The following GLG1 variants were observed in gnomAD, a reference collection of about 807,000 sequenced individuals.
GLG1 encodes the protein golgi glycoprotein 1.
GLG1 carries 38 observed loss-of-function variants against 160.5 expected under a neutral mutation model. The observed-to-expected ratio is 0.24, with a 90% confidence interval of 0.18 to 0.31. The LOEUF is 0.31. Among genes scored for constraint, GLG1 ranks in the 10% least tolerant of loss-of-function variants. The probability of loss-of-function intolerance (pLI) is 1.00; values close to 1 mark genes in which losing one functional copy is unlikely to be tolerated. For missense variants in GLG1, 1,373 were observed against 1,505.2 expected (o/e 0.91, Z 1.45); for synonymous variants, 644 against 543.4 (o/e 1.19, Z -2.57).
In GLG1 at chr16:74,481,758, T is replaced by G. The variant is rs1411307812; in HGVS notation, c.1673+1265A>C. Among the ~76,000 whole-genome samples the G allele has an allele frequency of 1.3e-5, 2 of 152,200 alleles. 1 individual carries two copies. Among genetic ancestry groups the G allele is most frequent in the Non-Finnish European group, 2.9e-5 (2 of 68,038 alleles). ...ATGCAGTGGCATGATCACAGCTCAC[T>G]GTAACCTACAGCTCCTGGGCTCAAG... On this transcript the variant is annotated intron_variant, in intron 10 of 25. Coordinates refer to ENST00000422840, the MANE Select transcript of GLG1 (RefSeq NM_001145667.2).
At chr16:74,577,682 T>C (rs1055833515) in intron 1 of GLG1, among the ~76,000 whole-genome samples, 1 of 152,040 alleles carries the variant, frequency 6.6e-6, no homozygotes, top group African/African-American at 2.4e-5. Flanking sequence ...GGCATCATCA[T>C]GGTTCACTGC....
chr16:74,597,203 C>T (rs1432530561), intron 1 of GLG1, among the ~76,000 whole-genome samples: 1 of 151,464 alleles, frequency 6.6e-6, no homozygotes, highest in Non-Finnish European at 1.5e-5. Context: ...GAGGCCGAGG[C>T]GGGAGGATCA....
At chr16:74,532,093 T>G (rs548219071) in intron 2 of GLG1, 28 bp downstream of exon 2, 1 of 1,162,786 alleles carries the variant, frequency 8.6e-7, no homozygotes, top group East Asian at 2.6e-5. Flanking sequence ...AAAGCACATA[T>G]GGCGCATCAC....
At chr16:74,603,423 AAG>A (rs1444972926) in intron 1 of GLG1, among the ~76,000 whole-genome samples, 1 of 151,784 alleles carries the variant, frequency 6.6e-6, no homozygotes, top group Non-Finnish European at 1.5e-5. Context: ...AAAAAAAAAA[AAG>A]AAAATCTAAT....
chr16:74,453,570 C>CCCA (rs1567451087), intron 25 of GLG1, among the ~76,000 whole-genome samples: 4 of 152,290 alleles, frequency 2.6e-5, no homozygotes, highest in East Asian at 3.9e-4. Flanking sequence ...GGTGCAGTCA[C>CCCA]CCACAATTCC....
rs754903876 is a variant in GLG1 at position 74,463,437 on chromosome 16, A to G, written c.2710T>C (p.Leu904=). The change falls in exon 20 of 26, where the codon TTG becomes CTG. Residue 904 remains leucine (L), a synonymous_variant. Transcript: ENST00000422840. The part of the protein sequence containing the change: ...EADSKTMLQC[L]KQNKNSELMD... The stretch of plus-strand genomic sequence containing the variant: ...AATTCACTGTTTTTATTTTGCTTCA[A>G]GCACTGCAACATGGTTTTAGAATCT... The G allele has an allele frequency of 2.5e-6, 4 of 1,613,800 alleles. No homozygotes were observed. The highest frequency in any genetic ancestry group is 3.3e-5 in the Admixed American group (2 of 60,022).
intron 4 of GLG1, among the ~76,000 whole-genome samples, chr16:74,499,003 A>C (rs1262578843): frequency 6.6e-6 from 1 of 151,966 alleles, no homozygotes; most frequent in African/African-American, 2.4e-5. Context: ...CTTAATTTCC[A>C]AGTGTTTCCA....
intron 12 of GLG1, among the ~76,000 whole-genome samples, chr16:74,476,848 G>C (rs1253545707): frequency 2.0e-5 from 3 of 152,144 alleles, no homozygotes; most frequent in Non-Finnish European, 4.4e-5. Flanking sequence ...AACCAGGTGA[G>C]AAAAAATTCC....
At chr16:74,462,461 C>T (rs1156416790) in intron 21 of GLG1, 27 bp downstream of exon 21, 1 of 1,599,782 alleles carries the variant, frequency 6.3e-7, no homozygotes, top group East Asian at 2.2e-5. Context: ...ATAAATACAC[C>T]TTTGTGGAGA....
chr16:74,542,744 A>AGGGAG (rs1372757148), intron 1 of GLG1, among the ~76,000 whole-genome samples: 2 of 12,858 alleles, frequency 1.6e-4, no homozygotes, highest in East Asian at 6.0e-3. Flanking sequence ...GGAGGAAGGA[A>AGGGAG]GGAAGGAAGG....
chr16:74,477,509 C>T lies in GLG1; in HGVS notation c.1852G>A (p.Val618Ile). The T allele has an allele frequency of 1.2e-6, 2 of 1,613,592 alleles. No homozygotes were observed. The highest frequency in any genetic ancestry group is 1.7e-6 in the Non-Finnish European group (2 of 1,179,586). The change falls in exon 12 of 26, where the codon GTC becomes ATC. Residue 618 changes from valine to isoleucine, a missense_variant. Val to Ile is a conservative substitution (Grantham distance 29, BLOSUM62 3). Transcript: ENST00000422840. The part of the protein sequence containing the change: ...RRLSRECRAE[V>I]QRILHQRAMD... The stretch of plus-strand genomic sequence containing the variant: ...GCACGCTGGTGTAGGATCCTTTGGA[C>T]TTCAGCTCGGCACTCCCGTGAGAGC...
At chr16:74,589,231 G>A (rs570555161) in intron 1 of GLG1, among the ~76,000 whole-genome samples, 3 of 149,954 alleles carry the variant, frequency 2.0e-5, no homozygotes, top group South Asian at 2.1e-4. Context: ...CTCCAGCCTG[G>A]GTGAAAGAGT....
chr16:74,460,488 G>A (rs968670153), intron 22 of GLG1, among the ~76,000 whole-genome samples: 2 of 152,168 alleles, frequency 1.3e-5, no homozygotes, highest in African/African-American at 2.4e-5. Context: ...AGATGAGTCC[G>A]GTGATTCCAA....
At chr16:74,589,640 C>T (rs1396966768) in intron 1 of GLG1, among the ~76,000 whole-genome samples, 1 of 152,168 alleles carries the variant, frequency 6.6e-6, no homozygotes, top group Non-Finnish European at 1.5e-5. Context: ...GGCAAGCAGG[C>T]TGAGAATCTG....
At chr16:74,570,050 T>C (rs1038430475) in intron 1 of GLG1, among the ~76,000 whole-genome samples, 2 of 149,944 alleles carry the variant, frequency 1.3e-5, no homozygotes, top group South Asian at 2.1e-4. Context: ...AAAAAAACAA[T>C]AGTTTTGAAA....
intron 2 of GLG1, among the ~76,000 whole-genome samples, chr16:74,512,290 A>AT (rs71697516): frequency 3.3e-5 from 5 of 149,882 alleles, no homozygotes; most frequent in South Asian, 4.3e-4. Flanking sequence ...AAAAAAAAAA[A>AT]TTTTTGCCCA....
chr16:74,604,929 G>GTC (rs1958530608), intron 1 of GLG1, among the ~76,000 whole-genome samples: 1 of 152,088 alleles, frequency 6.6e-6, no homozygotes, highest in African/African-American at 2.4e-5. Context: ...CTCGCCTGTA[G>GTC]TCCCAGGTAC....
chr16:74,520,369 G>A (rs1486883671), intron 2 of GLG1, among the ~76,000 whole-genome samples: 1 of 152,144 alleles, frequency 6.6e-6, no homozygotes, highest in African/African-American at 2.4e-5. Context: ...GGAGACGGTG[G>A]CTCACACCTG....
At chr16:74,492,391 A>G (rs1048549886) in intron 7 of GLG1, among the ~76,000 whole-genome samples, 9 of 151,256 alleles carry the variant, frequency 6.0e-5, no homozygotes, top group African/African-American at 2.2e-4. Context: ...AAAAGACAAG[A>G]AAACTATTCA....
Sources: gnomAD v4.1 joint callset for allele counts (sites outside exome capture counted in the v4.1 genomes callset) on GRCh38, gnomAD v4.1.1 for gene constraint, MANE v1.5 for transcripts, NCBI Gene and HGNC (gene_info 2026-07-23, HGNC 2026-07-21) for gene names.